Variants in ZHX3 observed in about 807,000 individuals in gnomAD.
ZHX3 encodes the protein zinc fingers and homeoboxes 3.
In ZHX3, 20 loss-of-function variants were observed where a neutral mutation model predicts 64.5. That is an observed-to-expected ratio of 0.31 (90% CI 0.22 to 0.45). The LOEUF (loss-of-function observed/expected upper bound fraction) is 0.45. ZHX3 is among the 20% of genes least tolerant of loss of function. ZHX3 has a pLI of 1.00. For missense variants in ZHX3, 1,041 were observed against 1,195.8 expected (o/e 0.87, Z 1.91); for synonymous variants, 423 against 461.6 (o/e 0.92, Z 1.07).
chr20:41,203,542 T>C lies in ZHX3; in HGVS notation c.1375A>G (p.Ile459Val), dbSNP rs1236771722. The C allele has an allele frequency of 1.2e-6, 2 of 1,614,190 alleles. No homozygotes were observed. The highest frequency in any genetic ancestry group is 8.5e-7 in the Non-Finnish European group (1 of 1,180,018). ...SVPKQPGVAP[I>V]NTVCSNTTSA... Reference sequence around the variant, plus strand: ...GTTGTATTTGAACACACAGTGTTAATGGGTGCCACACCTGGCTGCTTGGGG... The same window carrying C: ...GTTGTATTTGAACACACAGTGTTAACGGGTGCCACACCTGGCTGCTTGGGG... The change falls in exon 3 of 4, where the codon ATT becomes GTT. Residue 459 changes from isoleucine (I) to valine (V), a missense_variant. By Grantham distance (29) the Ile-to-Val change is conservative (BLOSUM62 3). Coordinates refer to ENST00000683867, the MANE Select transcript of ZHX3 (RefSeq NM_001384317.1). The surrounding 1 kb of genome is among the most constrained non-coding windows in gnomAD (Gnocchi z 7.1).
Position 41,202,600 on chromosome 20 carries a change from C to A in ZHX3, c.2317G>T (p.Ala773Ser). 1 of 1,613,926 alleles carries A rather than the reference C, an allele frequency of 6.2e-7. No individual in the cohort carries two copies. Among genetic ancestry groups the A allele is most frequent in the Non-Finnish European group, 8.5e-7 (1 of 1,180,018 alleles). The change falls in exon 3 of 4, where the codon GCC becomes TCC. Residue 773 changes from alanine to serine, a missense_variant. Physicochemically the swap from Ala to Ser is moderately conservative, Grantham distance 99 (BLOSUM62 1). This residue lies in a region of ZHX3 where 649 missense variants were observed against 739.8 expected (regional missense o/e 0.88). Transcript: ENST00000683867. This position sits in a 1 kb window ranked among gnomAD's most constrained non-coding sequence, Gnocchi z 7.0. ...LPGKVSCKKT[A>S]QQRHLLRQLF... is the part of the protein sequence containing the mutation. Reference sequence around the variant, plus strand: ...TGCCGCAGCAAGTGCCGCTGCTGGGCAGTCTTTTTGCAGCTCACTTTGCCT... The same window carrying A: ...TGCCGCAGCAAGTGCCGCTGCTGGGAAGTCTTTTTGCAGCTCACTTTGCCT...
At chr20:41,316,658 C>G (rs1031642567) in intron 1 of ZHX3, among the ~76,000 whole-genome samples, 1 of 152,158 alleles carries the variant, frequency 6.6e-6, no homozygotes, top group Admixed American at 6.5e-5. Context: ...TCCCCCACCC[C>G]AAGTCACATA....
In ZHX3 at chr20:41,202,240, C is replaced by T. The variant is rs1359573719; in HGVS notation, c.2677G>A (p.Ala893Thr). Residue 893 changes from alanine (A) to threonine (T), a missense_variant, in exon 3 of 4, where the codon GCC becomes ACC. By Grantham distance (58) the Ala-to-Thr change is moderately conservative. Coordinates refer to ENST00000683867, the MANE Select transcript of ZHX3 (RefSeq NM_001384317.1). This position sits in a 1 kb window ranked among gnomAD's most constrained non-coding sequence, Gnocchi z 7.0. ...FAEKMGEETR[A>T]VADTGSEDQG... ...TCCTCACTGCCTGTGTCTGCCACGG[C>T]TCTGGTCTCCTCCCCCATTTTCTCA... 14 of 1,614,158 alleles carry T rather than the reference C, an allele frequency of 8.7e-6. No homozygotes were observed. The highest frequency in any genetic ancestry group is 1.2e-5 in the Non-Finnish European group (14 of 1,180,020).
intron 2 of ZHX3, among the ~76,000 whole-genome samples, chr20:41,257,760 C>G (rs1354603188): frequency 6.7e-6 from 1 of 149,480 alleles, no homozygotes; most frequent in East Asian, 1.9e-4. Flanking sequence ...TACAGGCACA[C>G]GCCACCATGC....
At position 41,185,430 on chromosome 20, in the gene ZHX3, G is replaced by T; in HGVS notation, c.2861-229C>A. On this transcript the variant is annotated intron_variant, in intron 3 of 3. Transcript: ENST00000683867. This position sits in a 1 kb window ranked among gnomAD's most constrained non-coding sequence, Gnocchi z 5.0. ...TGTAAGGCCATCAGACTCTCTGAGA[G>T]ACCCTGCTAAACCCTAGGCCTAGCA... The T allele has an allele frequency of 1.6e-6, 1 of 607,792 alleles. No individual in the cohort carries two copies. Among genetic ancestry groups the T allele is most frequent in the South Asian group, 2.0e-5 (1 of 48,944 alleles). 37.6% of individuals were successfully genotyped at this position (607,792 alleles called of 1,614,324 possible).
At chr20:41,274,946 C>G (rs927238887) in intron 1 of ZHX3, among the ~76,000 whole-genome samples, 1 of 152,156 alleles carries the variant, frequency 6.6e-6, no homozygotes, top group African/African-American at 2.4e-5. Flanking sequence ...CAACTGGGGT[C>G]AGAAGTTTGA....
At chr20:41,242,657 C>T (rs1568883859) in intron 2 of ZHX3, among the ~76,000 whole-genome samples, 1 of 152,110 alleles carries the variant, frequency 6.6e-6, no homozygotes. Context: ...AAACCAATGA[C>T]GTTTTGACAG....
Position 41,205,006 on chromosome 20 carries a change from A to C in ZHX3, c.-90T>G, listed in dbSNP as rs953363153. 7.1e-7 allele frequency: 1 copy of C among 1,405,342 alleles called. No individual in the cohort carries two copies. The highest frequency in any genetic ancestry group is 9.3e-7 in the Non-Finnish European group (1 of 1,078,224). 87.1% of individuals were successfully genotyped at this position (1,405,342 alleles called of 1,614,324 possible). A position where few individuals can be genotyped will look rare whatever the true frequency, so the allele number is the denominator to read the frequency against. ...TCCAGCTTCTCGATGAGGGCCAAAG[A>C]AACAGTTTCTAAATGCAGCTTTTTC... On this transcript the variant is annotated 5_prime_UTR_variant, in exon 3 of 4. Transcript: ENST00000683867.
At chr20:41,263,399 T>G (rs2146578752) in intron 2 of ZHX3, among the ~76,000 whole-genome samples, 1 of 151,476 alleles carries the variant, frequency 6.6e-6, no homozygotes, top group Admixed American at 6.6e-5. Context: ...AGAGGAATTT[T>G]TTTTTTTTTT....
At chr20:41,243,944 A>G (rs1253520133) in intron 2 of ZHX3, among the ~76,000 whole-genome samples, 1 of 152,126 alleles carries the variant, frequency 6.6e-6, no homozygotes, top group African/African-American at 2.4e-5. Flanking sequence ...GAAGCTCTTA[A>G]ACACAGAGTT....
chr20:41,186,584 G>A (rs1338190714), intron 3 of ZHX3, among the ~76,000 whole-genome samples: 1 of 152,300 alleles, frequency 6.6e-6, no homozygotes, highest in Non-Finnish European at 1.5e-5. Context: ...TTCCCAAGGA[G>A]CTGTACCATT....
chr20:41,186,073 A>C (rs1400528013), intron 3 of ZHX3, among the ~76,000 whole-genome samples: 1 of 152,280 alleles, frequency 6.6e-6, no homozygotes, highest in Non-Finnish European at 1.5e-5. Flanking sequence ...GTACATTTAC[A>C]ATGTTATAAA....
chr20:41,245,988 G>A (rs2041667236), intron 2 of ZHX3, among the ~76,000 whole-genome samples: 1 of 152,152 alleles, frequency 6.6e-6, no homozygotes, highest in South Asian at 2.1e-4. Context: ...AATATCAAAT[G>A]GAACAGTACT....
chr20:41,182,997 C>T lies in ZHX3; in HGVS notation c.*2194G>A, dbSNP rs781358256. 2.6e-5 allele frequency: 4 copies of T among 152,276 alleles called. No individual in the cohort carries two copies. The highest frequency in any genetic ancestry group is 7.2e-5 in the African/African-American group (3 of 41,460). 9.4% of individuals were successfully genotyped at this position (152,276 alleles called of 1,614,324 possible). On this transcript the variant is annotated 3_prime_UTR_variant, in exon 4 of 4. Transcript: ENST00000683867. The surrounding 1 kb of genome is among the most constrained non-coding windows in gnomAD (Gnocchi z 6.1). ...GCCAGCAGGATCTGGAGGTGAGGCA[C>T]TGGGTGGTTTCTCAGACACCCGGAG...
rs144055972 is a variant in ZHX3 at position 41,276,254 on chromosome 20, T to C, written c.-244-7171A>G. On this transcript the variant is annotated intron_variant, in intron 1 of 3. Transcript: ENST00000683867. The stretch of plus-strand genomic sequence containing the variant: ...AACCCCACCCTTAAAAGTCTGTTTT[T>C]CTTTTTCTTTTTTTTAAATGTAGCT... Among the ~76,000 whole-genome samples the C allele has an allele frequency of 1.3e-4, 19 of 143,512 alleles. No homozygotes were observed. The East Asian group carries it at 3.7e-3, about 28-fold the overall frequency. The allele number at this position is 143,512 out of a possible 152,430, so 94.1% of individuals were successfully genotyped here. A position where few individuals can be genotyped will look rare whatever the true frequency, so the allele number is the denominator to read the frequency against.
intron 2 of ZHX3, among the ~76,000 whole-genome samples, chr20:41,243,383 C>T (rs1291383183): frequency 6.6e-6 from 1 of 152,178 alleles, no homozygotes; most frequent in African/African-American, 2.4e-5. Flanking sequence ...CAATTATTAT[C>T]AGGGTCACAT....
chr20:41,238,161 G>A (rs138317834), intron 2 of ZHX3, among the ~76,000 whole-genome samples: 1 of 152,190 alleles, frequency 6.6e-6, no homozygotes, highest in Non-Finnish European at 1.5e-5. Flanking sequence ...GTTGCATGGG[G>A]AATGAACTTC....
chr20:41,273,118 T>A (rs1199881507), intron 1 of ZHX3, among the ~76,000 whole-genome samples: 1 of 152,214 alleles, frequency 6.6e-6, no homozygotes, highest in Non-Finnish European at 1.5e-5. Flanking sequence ...TTGATTTGCA[T>A]TTCCTTAATG....
intron 2 of ZHX3, among the ~76,000 whole-genome samples, chr20:41,264,176 AG>A (rs2042705908): frequency 6.6e-6 from 1 of 151,926 alleles, no homozygotes; most frequent in African/African-American, 2.4e-5. Context: ...TGGGAGGCCG[AG>A]ACGGGCAGAT....
Sources: gnomAD v4.1 joint callset for allele counts (sites outside exome capture counted in the v4.1 genomes callset) on GRCh38, gnomAD v4.1.1 for gene constraint, gnomAD v4.1.1 regional missense constraint, Gnocchi (gnomAD v3.1) non-coding constraint, MANE v1.5 for transcripts, NCBI Gene and HGNC (gene_info 2026-07-23, HGNC 2026-07-21) for gene names.